The following SLFN12L variants were observed in gnomAD, a reference collection of about 807,000 sequenced individuals.
SLFN12L encodes the protein schlafen family member 12-like.
Under a neutral mutation model 34.8 loss-of-function variants are expected in SLFN12L, and 34 were observed. The ratio of observed to expected loss-of-function variants is 0.98; its 90% CI spans 0.74 to 1.30. The LOEUF (loss-of-function observed/expected upper bound fraction) is 1.30. Among genes scored for constraint, SLFN12L ranks in the 50% most tolerant of loss-of-function variants. The probability of loss-of-function intolerance (pLI) is 0.00; values close to 1 mark genes in which losing one functional copy is unlikely to be tolerated. For missense variants in SLFN12L, 703 were observed against 696.2 expected (o/e 1.01, Z -0.11); for synonymous variants, 259 against 247.5 (o/e 1.05, Z -0.44).
intron 1 of SLFN12L, among the ~76,000 whole-genome samples, chr17:35,534,375 G>C (rs548089086): frequency 6.6e-6 from 1 of 152,030 alleles, no homozygotes; most frequent in Non-Finnish European, 1.5e-5. Flanking sequence ...AAAACAAAAA[G>C]TAATGGGAAG....
chr17:35,490,543 A>T (rs1201999501), intron 2 of SLFN12L: 1 of 858,012 alleles, frequency 1.2e-6, no homozygotes, highest in African/African-American at 1.6e-5. Context: ...CGTCCAGTGG[A>T]TGGGTTGCAG....
chr17:35,525,881 C>A (rs1455063493), intron 1 of SLFN12L, among the ~76,000 whole-genome samples: 1 of 152,134 alleles, frequency 6.6e-6, no homozygotes, highest in Non-Finnish European at 1.5e-5. Flanking sequence ...TGTAAATGGG[C>A]TAAATGCCCC....
chr17:35,532,552 A>ATAAAG (rs2072422012), intron 1 of SLFN12L, among the ~76,000 whole-genome samples: 1 of 152,186 alleles, frequency 6.6e-6, no homozygotes, highest in Non-Finnish European at 1.5e-5. Flanking sequence ...GAAAAATTTT[A>ATAAAG]TAAAGTACCT....
chr17:35,518,002 C>A (rs1308680964), intron 2 of SLFN12L, among the ~76,000 whole-genome samples: 3 of 152,118 alleles, frequency 2.0e-5, no homozygotes. Flanking sequence ...GACTTCATGA[C>A]TAAAACAAAA....
At position 35,490,811 on chromosome 17, in the gene SLFN12L, A is replaced by G. The variant is rs1297884798; in HGVS notation, c.87-10616T>C. ...GAAATAAGACTTGAGTGCCTGACTCAATAAGAGAGCCTACAAATACATTTG... is the reference window on the plus strand; with the variant it reads ...GAAATAAGACTTGAGTGCCTGACTCGATAAGAGAGCCTACAAATACATTTG... On this transcript the variant is annotated intron_variant, in intron 2 of 4. Transcript: ENST00000628453. 5.3e-6 allele frequency: 7 copies of G among 1,331,870 alleles called. No individual in the cohort carries two copies. The African/African-American group carries it at 8.7e-5, about 16-fold the overall frequency. 82.5% of individuals were successfully genotyped at this position (1,331,870 alleles called of 1,614,324 possible). A position where few individuals can be genotyped will look rare whatever the true frequency, so the allele number is the denominator to read the frequency against.
rs953927700 is a variant in SLFN12L at position 35,467,247 on chromosome 17, A to C, written c.*7676T>G. Among the ~76,000 whole-genome samples the C allele has an allele frequency of 1.3e-5, 2 of 152,240 alleles. No individual in the cohort carries two copies. The highest frequency in any genetic ancestry group is 4.8e-5 in the African/African-American group (2 of 41,470). On this transcript the variant is annotated 3_prime_UTR_variant, in exon 5 of 5. Coordinates refer to ENST00000628453, the MANE Select transcript of SLFN12L (RefSeq NM_001363830.2). ...GCCAACCACCATACATGATGGAGCT[A>C]GGTGGAATATTACCGAATGCTGGAT... is the stretch of plus-strand genomic sequence containing the variant.
rs1198127773 is a variant in SLFN12L, at chr17:35,530,418, GAAGGAAGGAAGGGAAGGGAAGGGAA to G, written c.-606+7130_-606+7154del. Among the ~76,000 whole-genome samples the G allele has an allele frequency of 2.5e-3, 30 of 11,770 alleles. 2 individuals are homozygous for G. In the South Asian group the frequency reaches 0.039, roughly 15 times the overall value. 7.7% of individuals were successfully genotyped at this position (11,770 alleles called of 152,430 possible). ...GGAAGGAAGGAAGGAAGGAAGGAAG[GAAGGAAGGAAGGGAAGGGAAGGGAA>G]GAAAGAAAGAAAGAAAGAAAGAAAG... is the stretch of plus-strand genomic sequence containing the variant. On this transcript the variant is annotated intron_variant, in intron 1 of 4. Transcript: ENST00000628453.
At chr17:35,505,837 A>G (rs1042592412) in intron 2 of SLFN12L, among the ~76,000 whole-genome samples, 3 of 152,284 alleles carry the variant, frequency 2.0e-5, no homozygotes, top group South Asian at 4.1e-4. Flanking sequence ...AAAACTCTTC[A>G]TGGGACTCAT....
chr17:35,509,504 A>T (rs1915568359), intron 2 of SLFN12L, among the ~76,000 whole-genome samples: 1 of 152,116 alleles, frequency 6.6e-6, no homozygotes, highest in African/African-American at 2.4e-5. Context: ...ATTTAGTCAC[A>T]GCAATTTGGG....
At chr17:35,517,002 C>T (rs1915848504) in intron 2 of SLFN12L, among the ~76,000 whole-genome samples, 1 of 152,148 alleles carries the variant, frequency 6.6e-6, no homozygotes, top group African/African-American at 2.4e-5. Context: ...CAATTTGCAC[C>T]AGCCACATAG....
At position 35,537,566 on chromosome 17, in the gene SLFN12L, T is replaced by C. The variant is rs2072474375; in HGVS notation, c.-606+7A>G. 6.6e-6 allele frequency: 1 copy of C among 152,222 alleles called. No homozygotes were observed. Among genetic ancestry groups the C allele is most frequent in the Non-Finnish European group, 1.5e-5 (1 of 68,056 alleles). The allele number at this position is 152,222 out of a possible 1,614,324, so 9.4% of individuals were successfully genotyped here. A position where few individuals can be genotyped will look rare whatever the true frequency, so the allele number is the denominator to read the frequency against. On this transcript the variant is annotated splice_region_variant and intron_variant, in intron 1 of 4. Coordinates refer to ENST00000628453, the MANE Select transcript of SLFN12L (RefSeq NM_001363830.2). ...GGCTTAGATCTCTCTGGACAATCTG[T>C]ACTTACCTTGGGAGTTAAAAGATTC...
chr17:35,503,098 G>A (rs1915357212), intron 2 of SLFN12L, among the ~76,000 whole-genome samples: 1 of 152,194 alleles, frequency 6.6e-6, no homozygotes. Flanking sequence ...ACAGTTTTGT[G>A]CAAGGTGTAT....
intron 2 of SLFN12L, among the ~76,000 whole-genome samples, chr17:35,485,939 C>T (rs1347308350): frequency 6.6e-6 from 1 of 152,076 alleles, no homozygotes; most frequent in Non-Finnish European, 1.5e-5. Context: ...TGTAAGGCTC[C>T]CTATCCTGTT....
At chr17:35,499,068 G>T in intron 2 of SLFN12L, 1 of 842,616 alleles carries the variant, frequency 1.2e-6, no homozygotes, top group South Asian at 1.3e-5. Flanking sequence ...TGCTGGGTTT[G>T]ACAACTCCTG....
chr17:35,498,829 C>G (rs1296752820), intron 2 of SLFN12L: 6 of 789,840 alleles, frequency 7.6e-6, no homozygotes, highest in Non-Finnish European at 1.3e-5. Context: ...GCCAAGACAA[C>G]AGACTAACAG....
At chr17:35,533,650 A>C (rs1246094844) in intron 1 of SLFN12L, among the ~76,000 whole-genome samples, 3 of 152,238 alleles carry the variant, frequency 2.0e-5, no homozygotes, top group Non-Finnish European at 4.4e-5. Context: ...AGTAAGAAGG[A>C]GTATGTCAAG....
intron 2 of SLFN12L, among the ~76,000 whole-genome samples, chr17:35,497,976 G>A (rs1050859374): frequency 6.6e-6 from 1 of 152,196 alleles, no homozygotes; most frequent in African/African-American, 2.4e-5. Context: ...CTTGAGCCAG[G>A]AGTTTGAGAC....
intron 2 of SLFN12L, among the ~76,000 whole-genome samples, chr17:35,504,094 T>C (rs1412405817): frequency 6.6e-6 from 1 of 152,372 alleles, no homozygotes; most frequent in Non-Finnish European, 1.5e-5. Context: ...TGCCTCAAAC[T>C]ATTGCATTTA....
Position 35,515,228 on chromosome 17 carries a change from G to T in SLFN12L, c.86+7051C>A, listed in dbSNP as rs956349453. The T allele has an allele frequency of 7.8e-6, 4 of 515,164 alleles. No homozygotes were observed. The East Asian group carries it at 1.9e-4, about 24-fold the overall frequency. The allele number at this position is 515,164 out of a possible 1,614,324, so 31.9% of individuals were successfully genotyped here. On this transcript the variant is annotated intron_variant, in intron 2 of 4. Transcript: ENST00000628453. ...CTGAGTGTGGACTGCGGCGGTGGGG[G>T]AAAGGAGCGGTTGCCCACAAACCAT...
Sources: gnomAD v4.1 joint callset for allele counts (sites outside exome capture counted in the v4.1 genomes callset) on GRCh38, gnomAD v4.1.1 for gene constraint, MANE v1.5 for transcripts, NCBI Gene and HGNC (gene_info 2026-07-23, HGNC 2026-07-21) for gene names.